The following TEX2 variants were observed in gnomAD, a reference collection of about 807,000 sequenced individuals.
TEX2 encodes testis-expressed protein 2.
TEX2 carries 53 observed loss-of-function variants against 106.9 expected under a neutral mutation model. That is an observed-to-expected ratio of 0.50 (90% CI 0.40 to 0.62). The LOEUF (loss-of-function observed/expected upper bound fraction) is 0.62, where lower values mean the gene tolerates loss of function less well. TEX2 is among the 20% of genes least tolerant of loss of function. The probability of loss-of-function intolerance (pLI) is 0.00; values close to 1 mark genes in which losing one functional copy is unlikely to be tolerated. For synonymous variants in TEX2, 523 were observed against 534.8 expected, an observed-to-expected ratio of 0.98 and a Z score of 0.30; for missense variants, 1,207 against 1,379.0, an observed-to-expected ratio of 0.88 and a Z score of 1.98.
At chr17:64,228,168 A>G (rs35585220) in intron 1 of TEX2, among the ~76,000 whole-genome samples, 11,178 of 152,286 alleles carry the variant, frequency 0.073, 508 homozygotes, top group Non-Finnish European at 0.11. Context: ...AATAAAAAAT[A>G]TATAATTTCA....
chr17:64,229,684 C>T (rs568481481), intron 1 of TEX2, among the ~76,000 whole-genome samples: 1 of 152,264 alleles, frequency 6.6e-6, no homozygotes, highest in East Asian at 1.9e-4. Flanking sequence ...ACATAACACA[C>T]ATATTGCTCT....
chr17:64,160,671 T>C, intron 8 of TEX2, 130 bp downstream of exon 8: 4 of 1,189,528 alleles, frequency 3.4e-6, no homozygotes, highest in Non-Finnish European at 3.6e-6. Context: ...AATGCTCTGG[T>C]CCAGGAGCAC....
At chr17:64,238,994 T>C (rs1410143069) in intron 1 of TEX2, among the ~76,000 whole-genome samples, 3 of 152,242 alleles carry the variant, frequency 2.0e-5, no homozygotes, top group Admixed American at 6.5e-5. Context: ...CCCAGACACT[T>C]CAAGACACCC....
At chr17:64,225,666 T>TGTG (rs2033484527) in intron 1 of TEX2, among the ~76,000 whole-genome samples, 1 of 152,170 alleles carries the variant, frequency 6.6e-6, no homozygotes, top group African/African-American at 2.4e-5. Flanking sequence ...AATAGTGTGT[T>TGTG]GTGGCTGTGG....
intron 1 of TEX2, among the ~76,000 whole-genome samples, chr17:64,224,339 C>T (rs887356540): frequency 6.6e-6 from 1 of 152,134 alleles, no homozygotes; most frequent in Non-Finnish European, 1.5e-5. Flanking sequence ...AAACCAACCA[C>T]GGCAGGAAGG....
rs1488384182 is a variant in TEX2, at chr17:64,214,233, G to C, written c.-16C>G. On this transcript the variant is annotated 5_prime_UTR_variant, in exon 2 of 12. Transcript: ENST00000584379. ...GACTTGTCATTGCCGGCTTCACAAG[G>C]GCTCAGGCTCTGTGAAAACAGTGAG... is the stretch of plus-strand genomic sequence containing the variant. 10 of 1,599,554 alleles carry C rather than the reference G, an allele frequency of 6.3e-6. No individual in the cohort carries two copies. Among genetic ancestry groups the C allele is most frequent in the Non-Finnish European group, 8.5e-6 (10 of 1,170,398 alleles).
At chr17:64,248,533 C>T (rs955152779) in intron 1 of TEX2, among the ~76,000 whole-genome samples, 1 of 152,186 alleles carries the variant, frequency 6.6e-6, no homozygotes, top group Non-Finnish European at 1.5e-5. Context: ...ACTGGATAAC[C>T]AGTCCATATT....
chr17:64,212,755 A>G lies in TEX2; in HGVS notation c.1463T>C (p.Ile488Thr). ...FFIMCVYVYL[I>T]LPLPHYVSGL... Reference sequence around the variant, plus strand: ...ACTCACATAGTGGGGGAGGGGGAGGATGAGGTACACATAGACACACATTAT... The same window carrying G: ...ACTCACATAGTGGGGGAGGGGGAGGGTGAGGTACACATAGACACACATTAT... Residue 488 changes from isoleucine (I) to threonine (T), a missense_variant, in exon 2 of 12, where the codon ATC becomes ACC. Ile to Thr is a moderately conservative substitution (Grantham distance 89). This residue lies in a region of TEX2 where 1,067 missense variants were observed against 1,193.6 expected (regional missense o/e 0.89). Transcript: ENST00000584379. 4 of 1,614,110 alleles carry G rather than the reference A, an allele frequency of 2.5e-6. No homozygotes were observed. Among genetic ancestry groups the G allele is most frequent in the Non-Finnish European group, 3.4e-6 (4 of 1,180,026 alleles).
At chr17:64,203,992 T>G (rs2032753171) in intron 2 of TEX2, among the ~76,000 whole-genome samples, 2 of 152,346 alleles carry the variant, frequency 1.3e-5, no homozygotes, top group South Asian at 4.1e-4. Context: ...GGAGATAACG[T>G]GGATTCAAAT....
intron 7 of TEX2, among the ~76,000 whole-genome samples, chr17:64,167,879 G>C (rs1340375188): frequency 2.0e-5 from 3 of 152,132 alleles, no homozygotes; most frequent in Non-Finnish European, 2.9e-5. Context: ...GGGTTTGCCT[G>C]AGGCCACGAA....
At chr17:64,237,724 G>C (rs560468920) in intron 1 of TEX2, among the ~76,000 whole-genome samples, 164 of 152,268 alleles carry the variant, frequency 1.1e-3, no homozygotes, top group Admixed American at 2.0e-3. Flanking sequence ...CATTCACCAA[G>C]TCTGGGAATT....
In TEX2 at chr17:64,188,189, G is replaced by A; in HGVS notation, c.2403C>T (p.Ser801=). 1.2e-6 allele frequency: 2 copies of A among 1,609,944 alleles called. No individual in the cohort carries two copies. The highest frequency in any genetic ancestry group is 1.7e-6 in the Non-Finnish European group (2 of 1,179,840). ...TTACCTTCTTCCCAGCTGTGGGGCT[G>A]CTCTCCGCACTCTGCAGGGGGCTCC... ...PQRSPLQSAE[S]SPTAGKKLPE... The change falls in exon 5 of 12, where the codon AGC becomes AGT. Residue 801 remains serine, a synonymous_variant. Coordinates refer to ENST00000584379, the MANE Select transcript of TEX2 (RefSeq NM_001288732.2).
intron 11 of TEX2, 146 bp from the exon 12 acceptor site, chr17:64,149,237 C>T: frequency 2.6e-6 from 2 of 783,554 alleles, no homozygotes; most frequent in South Asian, 1.9e-5. Context: ...ATTCTCCCAC[C>T]ATACATACTT....
intron 5 of TEX2, among the ~76,000 whole-genome samples, chr17:64,184,125 G>A (rs371388361): frequency 7.2e-5 from 11 of 152,164 alleles, no homozygotes; most frequent in African/African-American, 2.7e-4. Flanking sequence ...TTGAGACAGG[G>A]TCTTGCTCTG....
intron 1 of TEX2, among the ~76,000 whole-genome samples, chr17:64,243,699 A>G (rs2143425420): frequency 6.6e-6 from 1 of 152,216 alleles, no homozygotes; most frequent in East Asian, 1.9e-4. Context: ...TAACACACAC[A>G]TGCATGCAAG....
At chr17:64,234,423 C>A (rs1411697061) in intron 1 of TEX2, among the ~76,000 whole-genome samples, 3 of 152,166 alleles carry the variant, frequency 2.0e-5, no homozygotes, top group African/African-American at 7.2e-5. Context: ...TTATGTGAGT[C>A]CTCAGAGAGC....
chr17:64,214,043 C>G lies in TEX2; in HGVS notation c.175G>C (p.Gly59Arg). The G allele has an allele frequency of 6.2e-7, 1 of 1,614,182 alleles. No homozygotes were observed. Among genetic ancestry groups the G allele is most frequent in the Non-Finnish European group, 8.5e-7 (1 of 1,180,030 alleles). Reference sequence around the variant, plus strand: ...GTTACAATGCTTTGGTCATCCAGCCCCTCCTCAAAGTACTCCCTGAACTCC... The same window carrying G: ...GTTACAATGCTTTGGTCATCCAGCCGCTCCTCAAAGTACTCCCTGAACTCC... ...EEEFREYFEE[G>R]LDDQSIVTGL... is the part of the protein sequence containing the mutation. Residue 59 changes from glycine (G) to arginine (R), a missense_variant, in exon 2 of 12, where the codon GGG becomes CGG. By Grantham distance (125) the Gly-to-Arg change is moderately radical. Coordinates refer to ENST00000584379, the MANE Select transcript of TEX2 (RefSeq NM_001288732.2).
At chr17:64,257,588 T>A (rs2034207243) in intron 1 of TEX2, among the ~76,000 whole-genome samples, 1 of 152,224 alleles carries the variant, frequency 6.6e-6, no homozygotes, top group Non-Finnish European at 1.5e-5. Context: ...GAATCCTCCC[T>A]TTGTCCAGCA....
rs140123979 is a variant in TEX2 at position 64,193,560 on chromosome 17, T to G, written c.2175A>C (p.Pro725=). The change falls in exon 4 of 12, where the codon CCA becomes CCC. Residue 725 remains proline (P), a splice_region_variant and synonymous_variant. Coordinates refer to ENST00000584379, the MANE Select transcript of TEX2 (RefSeq NM_001288732.2). ...KKSSGVSGGK[P]GLLPAHSRHN... is the part of the protein sequence containing the mutation. ...AGCATTTAGCACAAACATCATTACC[T>G]GGTTTACCTCCAGAGACACCCGATG... 5.0e-6 allele frequency: 7 copies of G among 1,413,692 alleles called. No individual in the cohort carries two copies. Among genetic ancestry groups the G allele is most frequent in the Non-Finnish European group, 6.5e-6 (7 of 1,074,936 alleles). The allele number at this position is 1,413,692 out of a possible 1,614,324, so 87.6% of individuals were successfully genotyped here.
Sources: gnomAD v4.1 joint callset for allele counts (sites outside exome capture counted in the v4.1 genomes callset) on GRCh38, gnomAD v4.1.1 for gene constraint, gnomAD v4.1.1 regional missense constraint, MANE v1.5 for transcripts, NCBI Gene and HGNC (gene_info 2026-07-23, HGNC 2026-07-21) for gene names.